Variants in B3GALT1 observed in about 807,000 individuals in gnomAD.
B3GALT1 encodes the protein UDP-Gal:betaGlcNAc beta 1,3-galactosyltransferase, polypeptide 1.
B3GALT1 carries 10 observed loss-of-function variants against 23.2 expected under a neutral mutation model. The ratio of observed to expected loss-of-function variants is 0.43; its 90% CI spans 0.27 to 0.73. The LOEUF (loss-of-function observed/expected upper bound fraction) is 0.73. Among genes scored for constraint, B3GALT1 ranks in the 30% least tolerant of loss-of-function variants. The pLI is 0.21. For missense variants in B3GALT1, 299 were observed against 405.4 expected (o/e 0.74, Z 2.25); for synonymous variants, 156 against 141.5 (o/e 1.10, Z -0.73).
chr2:167,562,801 C>A (rs1041095978), intron 2 of B3GALT1, among the ~76,000 whole-genome samples: 6 of 151,966 alleles, frequency 3.9e-5, no homozygotes, highest in Admixed American at 1.3e-4. Context: ...CTGCGGCCTT[C>A]CGCAGTGTTT....
At chr2:167,442,103 C>A (rs897787803) in intron 1 of B3GALT1, among the ~76,000 whole-genome samples, 3 of 145,518 alleles carry the variant, frequency 2.1e-5, no homozygotes, top group Non-Finnish European at 4.5e-5. Flanking sequence ...TTGTTCAATT[C>A]CCACCTATGA....
intron 2 of B3GALT1, among the ~76,000 whole-genome samples, chr2:167,536,734 G>A (rs1462934698): frequency 6.6e-6 from 1 of 152,166 alleles, no homozygotes; most frequent in African/African-American, 2.4e-5. Context: ...GGAGAGGTAA[G>A]ACTCCTGAAG....
intron 2 of B3GALT1, among the ~76,000 whole-genome samples, chr2:167,528,604 G>A (rs1260822380): frequency 6.6e-6 from 1 of 152,062 alleles, no homozygotes. Context: ...TAGTCTCTCT[G>A]TCTCTCAGTT....
chr2:167,510,154 C>T (rs1458507825), intron 2 of B3GALT1, among the ~76,000 whole-genome samples: 2 of 152,218 alleles, frequency 1.3e-5, no homozygotes, highest in African/African-American at 4.8e-5. Context: ...TAGTCAGACA[C>T]GAGCCAAGCA....
Position 167,607,440 on chromosome 2 carries a change from A to C in B3GALT1, c.-409-39469A>C, listed in dbSNP as rs75914751. On this transcript the variant is annotated intron_variant, in intron 2 of 4. Coordinates refer to ENST00000392690, the MANE Select transcript of B3GALT1 (RefSeq NM_020981.4). ...ACCTGCAATTAGTCAGAACTCAATC[A>C]TATGACGCCACCTTATTACTTACGA... Among the ~76,000 whole-genome samples, 426 of 152,326 alleles carry C rather than the reference A, an allele frequency of 2.8e-3. 15 individuals are homozygous for C. In the East Asian group the frequency reaches 0.07, roughly 25 times the overall value.
chr2:167,863,312 C>A (rs1690142428), intron 4 of B3GALT1, among the ~76,000 whole-genome samples: 1 of 152,084 alleles, frequency 6.6e-6, no homozygotes, highest in South Asian at 2.1e-4. Flanking sequence ...AAGAATGGAT[C>A]AATATATGTC....
At chr2:167,700,680 AAAAG>A (rs1253670686) in intron 3 of B3GALT1, among the ~76,000 whole-genome samples, 3 of 152,214 alleles carry the variant, frequency 2.0e-5, no homozygotes, top group African/African-American at 7.2e-5. Context: ...ACAGTCAAAA[AAAAG>A]AAAGAGGAGT....
rs1697213709 is a variant in B3GALT1 at position 167,345,600 on chromosome 2, C to T, written c.-511+52266C>T. On this transcript the variant is annotated intron_variant, in intron 1 of 4. Coordinates refer to ENST00000392690, the MANE Select transcript of B3GALT1 (RefSeq NM_020981.4). Reference sequence around the variant, plus strand: ...TTTATGTATTTTGAAGGAAATATTCCAGTAGTATAAAGCCAGGCGTGTTCA... The same window carrying T: ...TTTATGTATTTTGAAGGAAATATTCTAGTAGTATAAAGCCAGGCGTGTTCA... Among the ~76,000 whole-genome samples, 5 of 152,206 alleles carry T rather than the reference C, an allele frequency of 3.3e-5. No homozygotes were observed. In the South Asian group the frequency reaches 8.3e-4, roughly 25 times the overall value.
At chr2:167,686,501 G>C (rs1260035197) in intron 3 of B3GALT1, among the ~76,000 whole-genome samples, 1 of 152,158 alleles carries the variant, frequency 6.6e-6, no homozygotes, top group Non-Finnish European at 1.5e-5. Flanking sequence ...GCCATTTTAA[G>C]CATCTACTGT....
chr2:167,410,541 A>G (rs1209314561), intron 1 of B3GALT1, among the ~76,000 whole-genome samples: 3 of 151,576 alleles, frequency 2.0e-5, no homozygotes, highest in East Asian at 1.9e-4. Flanking sequence ...GAACACATGG[A>G]CACAACACAG....
intron 1 of B3GALT1, among the ~76,000 whole-genome samples, chr2:167,341,822 T>C (rs1697151666): frequency 6.6e-6 from 1 of 152,256 alleles, no homozygotes; most frequent in African/African-American, 2.4e-5. Context: ...ATGACTTTTG[T>C]AATCTTATTT....
intron 1 of B3GALT1, among the ~76,000 whole-genome samples, chr2:167,449,012 G>C (rs1699047486): frequency 6.6e-6 from 1 of 152,136 alleles, no homozygotes; most frequent in African/African-American, 2.4e-5. Flanking sequence ...TTATGGTATA[G>C]TTTAAAGTTG....
chr2:167,600,938 G>A (rs1684866711), intron 2 of B3GALT1, among the ~76,000 whole-genome samples: 1 of 152,158 alleles, frequency 6.6e-6, no homozygotes, highest in East Asian at 1.9e-4. Flanking sequence ...AGGAGTAGAA[G>A]TGCTGGATTG....
At chr2:167,368,821 T>C (rs545624788) in intron 1 of B3GALT1, among the ~76,000 whole-genome samples, 12 of 152,270 alleles carry the variant, frequency 7.9e-5, no homozygotes, top group Non-Finnish European at 1.6e-4. Flanking sequence ...AATCTTAGGA[T>C]CCCTCTACCA....
chr2:167,372,471 A>C (rs867074565), intron 1 of B3GALT1, among the ~76,000 whole-genome samples: 1 of 152,070 alleles, frequency 6.6e-6, no homozygotes, highest in East Asian at 1.9e-4. Context: ...CACCACTTCT[A>C]TTCCCCCTTT....
intron 3 of B3GALT1, among the ~76,000 whole-genome samples, chr2:167,719,233 T>C (rs1461762065): frequency 6.6e-6 from 1 of 152,252 alleles, no homozygotes; most frequent in African/African-American, 2.4e-5. Context: ...TCATTTTCTA[T>C]GTTTTTGTGT....
chr2:167,557,536 C>G (rs552071958), intron 2 of B3GALT1, among the ~76,000 whole-genome samples: 2 of 152,110 alleles, frequency 1.3e-5, no homozygotes, highest in South Asian at 2.1e-4. Context: ...ACAGGGCAAC[C>G]CTCGTTCTTT....
chr2:167,547,773 A>G (rs964546693), intron 2 of B3GALT1, among the ~76,000 whole-genome samples: 2 of 152,000 alleles, frequency 1.3e-5, no homozygotes, highest in African/African-American at 4.8e-5. Flanking sequence ...CTTCTGACAT[A>G]TCTTCCTTGC....
At chr2:167,459,335 A>C (rs1324830080) in intron 1 of B3GALT1, among the ~76,000 whole-genome samples, 3 of 152,180 alleles carry the variant, frequency 2.0e-5, no homozygotes, top group Non-Finnish European at 4.4e-5. Flanking sequence ...TAAAGTTACA[A>C]TATTATAACT....
Sources: allele counts gnomAD v4.1 joint callset (sites outside exome capture counted in the v4.1 genomes callset), GRCh38; gene constraint gnomAD v4.1.1; transcripts MANE v1.5; gene names NCBI Gene and HGNC (gene_info 2026-07-23, HGNC 2026-07-21).